Variants in ADARB2 observed in about 807,000 individuals in gnomAD.
The protein encoded by ADARB2 is adenosine deaminase RNA specific B2 (inactive), also known as inactive double-stranded RNA-specific editase B2.
ADARB2 carries 25 observed loss-of-function variants against 62.2 expected under a neutral mutation model. The observed-to-expected ratio is 0.40, with a 90% CI of 0.29 to 0.56. ADARB2 has a LOEUF of 0.56. Among genes scored for constraint, ADARB2 ranks in the 20% least tolerant of loss-of-function variants. The pLI, the probability that ADARB2 is intolerant of heterozygous loss-of-function variation, is 0.43. For missense variants in ADARB2, 1,071 were observed against 1,077.4 expected (o/e 0.99, Z 0.08); for synonymous variants, 572 against 500.8 (o/e 1.14, Z -1.90).
intron 1 of ADARB2, among the ~76,000 whole-genome samples, chr10:1,685,258 G>A (rs1353186175): frequency 6.6e-6 from 1 of 152,166 alleles, no homozygotes; most frequent in African/African-American, 2.4e-5. Flanking sequence ...GGAAGATAGA[G>A]ACAGAGAAAG....
intron 1 of ADARB2, among the ~76,000 whole-genome samples, chr10:1,500,217 G>C (rs1831749322): frequency 6.6e-6 from 1 of 152,108 alleles, no homozygotes; most frequent in African/African-American, 2.4e-5. Context: ...CATCCCACCC[G>C]TGTTCTTGTT....
intron 1 of ADARB2, among the ~76,000 whole-genome samples, chr10:1,613,094 G>GC (rs1167557129): frequency 6.6e-6 from 1 of 152,204 alleles, no homozygotes; most frequent in Admixed American, 6.5e-5. Flanking sequence ...CTGATGGACA[G>GC]CTCCCCGGCA....
intron 1 of ADARB2, among the ~76,000 whole-genome samples, chr10:1,685,406 C>T (rs923935217): frequency 2.6e-5 from 4 of 152,186 alleles, no homozygotes; most frequent in African/African-American, 4.8e-5. Context: ...TTCACCTTTC[C>T]CCCTTCTTCT....
intron 3 of ADARB2, among the ~76,000 whole-genome samples, chr10:1,313,911 C>T (rs1402326552): frequency 2.0e-5 from 3 of 152,238 alleles, no homozygotes; most frequent in Non-Finnish European, 4.4e-5. Context: ...AACACCCACA[C>T]CATGTCTTTT....
In ADARB2 at chr10:1,363,301, G is replaced by A. The variant is rs1832278877; in HGVS notation, c.804C>T (p.Pro268=). 1.6e-6 allele frequency: 2 copies of A among 1,232,096 alleles called. No individual in the cohort carries two copies. Among genetic ancestry groups the A allele is most frequent in the Non-Finnish European group, 2.0e-6 (2 of 986,850 alleles). 76.3% of individuals were successfully genotyped at this position (1,232,096 alleles called of 1,614,324 possible). A position where few individuals can be genotyped will look rare whatever the true frequency, so the allele number is the denominator to read the frequency against. ...GCTCGCCCGGGGCCGCGGGGGTGGCGGGGGTCGGGCCCACCAGGTCCAGCG... is the reference window on the plus strand; with the variant it reads ...GCTCGCCCGGGGCCGCGGGGGTGGCAGGGGTCGGGCCCACCAGGTCCAGCG... ...CRALDLVGPT[P]ATPAAPGERN... The change falls in exon 3 of 10, where the codon CCC becomes CCT. Residue 268 remains proline, a synonymous_variant. Transcript: ENST00000381312.
In ADARB2 at chr10:1,703,904, G is replaced by A. The variant is rs550845288; in HGVS notation, c.100+33147C>T. On this transcript the variant is annotated intron_variant, in intron 1 of 9. Transcript: ENST00000381312. ...CAACCACGGGAATGAGTGACCTTGC[G>A]ACTTTCACAGGGGACTCACTCCTAA... is the stretch of plus-strand genomic sequence containing the variant. Among the ~76,000 whole-genome samples, 22 of 152,306 alleles carry A rather than the reference G, an allele frequency of 1.4e-4. No individual in the cohort carries two copies. In the South Asian group the frequency reaches 2.1e-3, roughly 14 times the overall value.
chr10:1,393,640 C>G (rs1412299403), intron 1 of ADARB2, among the ~76,000 whole-genome samples: 1 of 152,190 alleles, frequency 6.6e-6, no homozygotes, highest in Admixed American at 6.5e-5. Context: ...GACTATGGTA[C>G]TGTGCACAGT....
chr10:1,408,462 G>T (rs1429608000), intron 1 of ADARB2, among the ~76,000 whole-genome samples: 3 of 152,312 alleles, frequency 2.0e-5, no homozygotes, highest in African/African-American at 7.2e-5. Flanking sequence ...CACACTCTTA[G>T]AAATGCAATA....
intron 2 of ADARB2, among the ~76,000 whole-genome samples, chr10:1,368,858 G>A (rs796971085): frequency 6.1e-5 from 3 of 49,410 alleles, no homozygotes; most frequent in African/African-American, 1.0e-4. Context: ...GGTGGGAGCC[G>A]AGCTCGCCCT....
Position 1,242,243 on chromosome 10 carries a change from T to G in ADARB2, c.1249A>C (p.Ser417Arg). 1 of 1,593,494 alleles carries G rather than the reference T, an allele frequency of 6.3e-7. No individual in the cohort carries two copies. Among genetic ancestry groups the G allele is most frequent in the Non-Finnish European group, 8.5e-7 (1 of 1,171,450 alleles). The change falls in exon 5 of 10, where the codon AGC (serine) becomes CGC (arginine). Residue 417 changes from serine (S) to arginine (R), a missense_variant. Physicochemically the swap from Ser to Arg is moderately radical, Grantham distance 110. Transcript: ENST00000381312. ...CCCTGGTCACTGAGGTGCTCGCCGC[T>G]GATGCACTTGGTCCCCGAGGACAGG... Reference protein sequence around the residue: ...VALSSGTKCISGEHLSDQGLV... With the variant: ...VALSSGTKCIRGEHLSDQGLV...
At position 1,603,176 on chromosome 10, in the gene ADARB2, C is replaced by T. The variant is rs145173432; in HGVS notation, c.100+133875G>A. Among the ~76,000 whole-genome samples, 627 of 152,164 alleles carry T rather than the reference C, an allele frequency of 4.1e-3. 3 individuals carry two copies. The highest frequency in any genetic ancestry group is 0.014 in the African/African-American group (589 of 41,502). ...CTGTACACACATTAACACACACACA[C>T]CTGTACACACATTCACACATGTGGC... On this transcript the variant is annotated intron_variant, in intron 1 of 9. Coordinates refer to ENST00000381312, the MANE Select transcript of ADARB2 (RefSeq NM_018702.4).
chr10:1,299,757 G>C (rs1831556619), intron 3 of ADARB2, among the ~76,000 whole-genome samples: 1 of 152,186 alleles, frequency 6.6e-6, no homozygotes, highest in African/African-American at 2.4e-5. Flanking sequence ...CTGACCTCCT[G>C]GGTTACGATG....
intron 1 of ADARB2, among the ~76,000 whole-genome samples, chr10:1,427,284 A>T (rs1832900381): frequency 6.6e-6 from 1 of 152,248 alleles, no homozygotes; most frequent in Non-Finnish European, 1.5e-5. Context: ...TTAAGAGGGT[A>T]TGAGAAGCTC....
intron 1 of ADARB2, among the ~76,000 whole-genome samples, chr10:1,430,833 G>A (rs1210551517): frequency 6.6e-6 from 1 of 152,162 alleles, no homozygotes; most frequent in East Asian, 1.9e-4. Flanking sequence ...ATTATATAAT[G>A]ATAAAAGGAT....
intron 7 of ADARB2, among the ~76,000 whole-genome samples, chr10:1,213,922 C>T (rs1184909550): frequency 6.6e-6 from 1 of 151,368 alleles, no homozygotes; most frequent in African/African-American, 2.4e-5. Context: ...TGGGTTTGCA[C>T]CTGTGCCCAG....
At chr10:1,357,518 A>T (rs566759530) in intron 3 of ADARB2, among the ~76,000 whole-genome samples, 1 of 152,314 alleles carries the variant, frequency 6.6e-6, no homozygotes, top group Non-Finnish European at 1.5e-5. Context: ...ATCTGGTTAA[A>T]TTTGAATTTC....
chr10:1,504,925 T>C (rs905922164), intron 1 of ADARB2, among the ~76,000 whole-genome samples: 1 of 151,892 alleles, frequency 6.6e-6, no homozygotes, highest in African/African-American at 2.4e-5. Flanking sequence ...TGCGTGTGCG[T>C]GCACACACAC....
chr10:1,214,119 C>A (rs1564222912), intron 7 of ADARB2, among the ~76,000 whole-genome samples: 1 of 150,538 alleles, frequency 6.6e-6, no homozygotes, highest in African/African-American at 2.5e-5. Flanking sequence ...GCACCTGTGT[C>A]CAGCGTCATG....
chr10:1,216,038 T>G (rs1301430127), intron 7 of ADARB2: 6 of 139,816 alleles, frequency 4.3e-5, no homozygotes, highest in African/African-American at 1.7e-4. Context: ...GGTCTCAGGG[T>G]GTCACCAACG....
Sources: allele counts gnomAD v4.1 joint callset (sites outside exome capture counted in the v4.1 genomes callset), GRCh38; gene constraint gnomAD v4.1.1; transcripts MANE v1.5; gene names NCBI Gene and HGNC (gene_info 2026-07-23, HGNC 2026-07-21).